The following PARD3B variants were observed in gnomAD, a reference collection of about 807,000 sequenced individuals.
The protein encoded by PARD3B is partitioning defective 3 homolog B.
In PARD3B, 103 loss-of-function variants were observed where a neutral mutation model predicts 130.2. The observed-to-expected ratio is 0.79, with a 90% CI of 0.67 to 0.93. The LOEUF (loss-of-function observed/expected upper bound fraction) is 0.93. Ranked by LOEUF, PARD3B falls within the 40% of genes least tolerant of loss-of-function variation. PARD3B has a pLI of 0.00. For missense variants in PARD3B, 1,609 were observed against 1,499.2 expected (o/e 1.07, Z -1.21); for synonymous variants, 583 against 553.2 (o/e 1.05, Z -0.76).
chr2:204,626,171 A>G (rs2034480468), intron 1 of PARD3B, among the ~76,000 whole-genome samples: 3 of 152,160 alleles, frequency 2.0e-5, no homozygotes, highest in Admixed American at 2.0e-4. Flanking sequence ...GTGAGTTTGG[A>G]TACATGTCTG....
At chr2:204,871,331 T>C (rs1033410722) in intron 2 of PARD3B, among the ~76,000 whole-genome samples, 2 of 152,140 alleles carry the variant, frequency 1.3e-5, no homozygotes, top group African/African-American at 4.8e-5. Context: ...ACAGACTCTA[T>C]TGTTTGAATA....
chr2:204,754,994 T>C (rs1418988977), intron 2 of PARD3B, among the ~76,000 whole-genome samples: 1 of 152,162 alleles, frequency 6.6e-6, no homozygotes, highest in Non-Finnish European at 1.5e-5. Flanking sequence ...TTTGCCAAAC[T>C]GTTCATATTA....
intron 2 of PARD3B, among the ~76,000 whole-genome samples, chr2:204,809,042 T>C (rs889747005): frequency 2.0e-5 from 3 of 152,184 alleles, no homozygotes. Flanking sequence ...ATGATGAGCT[T>C]TTTTTCATGT....
intron 2 of PARD3B, among the ~76,000 whole-genome samples, chr2:204,752,402 T>G (rs899088580): frequency 6.6e-6 from 1 of 152,198 alleles, no homozygotes; most frequent in Admixed American, 6.6e-5. Flanking sequence ...TGCAGCTGTT[T>G]AGCCATTGAT....
chr2:205,378,635 C>CT (rs559839181), intron 18 of PARD3B, among the ~76,000 whole-genome samples: 38,905 of 137,054 alleles, frequency 0.28, 7,587 homozygotes, highest in African/African-American at 0.56. Flanking sequence ...ATTTTTTTTT[C>CT]TTTTTTTTTT....
At chr2:205,611,759 C>T (rs2055239012) in intron 22 of PARD3B, among the ~76,000 whole-genome samples, 1 of 152,084 alleles carries the variant, frequency 6.6e-6, no homozygotes, top group Admixed American at 6.5e-5. Flanking sequence ...TTTCTCTTTC[C>T]TTAAGTAAAT....
chr2:205,340,867 GGAAC>G (rs2043499956), intron 18 of PARD3B, among the ~76,000 whole-genome samples: 1 of 151,892 alleles, frequency 6.6e-6, no homozygotes, highest in Non-Finnish European at 1.5e-5. Flanking sequence ...ACTAATATCC[GGAAC>G]ACCTAAGGAG....
chr2:204,744,823 TGAGA>T (rs2040149554), intron 2 of PARD3B, among the ~76,000 whole-genome samples: 1 of 152,074 alleles, frequency 6.6e-6, no homozygotes, highest in South Asian at 2.1e-4. Context: ...TTTCTGACGG[TGAGA>T]CTAAAGTTTA....
chr2:205,367,436 A>G (rs1421151597), intron 18 of PARD3B, among the ~76,000 whole-genome samples: 1 of 152,206 alleles, frequency 6.6e-6, no homozygotes, highest in Non-Finnish European at 1.5e-5. Context: ...GAATTTCCTG[A>G]CAGTAAGATT....
chr2:205,523,613 A>C (rs1250832066), intron 21 of PARD3B, among the ~76,000 whole-genome samples: 1 of 152,128 alleles, frequency 6.6e-6, no homozygotes, highest in Non-Finnish European at 1.5e-5. Context: ...TGACTGTGTT[A>C]TCAAAACTTT....
At chr2:204,652,553 T>C (rs1160766110) in intron 1 of PARD3B, among the ~76,000 whole-genome samples, 4 of 152,182 alleles carry the variant, frequency 2.6e-5, no homozygotes, top group African/African-American at 9.7e-5. Context: ...GTTCCAGACT[T>C]TCCCACATCT....
chr2:205,249,243 A>G (rs977230138), intron 16 of PARD3B, among the ~76,000 whole-genome samples: 1 of 151,144 alleles, frequency 6.6e-6, no homozygotes, highest in Non-Finnish European at 1.5e-5. Flanking sequence ...AACTATAGAA[A>G]TGTGAGCAGC....
intron 2 of PARD3B, among the ~76,000 whole-genome samples, chr2:204,835,854 G>C (rs2044011888): frequency 6.6e-6 from 1 of 152,208 alleles, no homozygotes; most frequent in Admixed American, 6.5e-5. Context: ...TTATGTAAGT[G>C]TTCCAAGCAT....
At chr2:205,472,649 A>G (rs1038840237) in intron 20 of PARD3B, among the ~76,000 whole-genome samples, 1 of 152,196 alleles carries the variant, frequency 6.6e-6, no homozygotes, top group Non-Finnish European at 1.5e-5. Context: ...TTTATGCTCA[A>G]TTCCCAGAAA....
chr2:205,069,637 T>C (rs1399170243), intron 4 of PARD3B, among the ~76,000 whole-genome samples: 1 of 152,070 alleles, frequency 6.6e-6, no homozygotes, highest in African/African-American at 2.4e-5. Flanking sequence ...CAAGCAGAAT[T>C]GACTGATACA....
At chr2:205,279,070 CAAAAAAAA>C (rs57717513) in intron 16 of PARD3B, among the ~76,000 whole-genome samples, 16 of 38,868 alleles carry the variant, frequency 4.1e-4, no homozygotes, top group Middle Eastern at 0.025. Context: ...GAATCTGTCT[CAAAAAAAA>C]AAAAAAAAAA....
chr2:205,450,331 A>C (rs1354825385), intron 20 of PARD3B, among the ~76,000 whole-genome samples: 1 of 152,068 alleles, frequency 6.6e-6, no homozygotes, highest in Non-Finnish European at 1.5e-5. Flanking sequence ...CCAGGGTCCC[A>C]TATTTAGTGG....
At position 204,889,356 on chromosome 2, in the gene PARD3B, GTC is replaced by G. The variant is rs199879318; in HGVS notation, c.223-75790_223-75789del. 6.8e-4 allele frequency among the ~76,000 whole-genome samples: 104 copies of G among 152,316 alleles called. 1 individual carries two copies. The East Asian group carries it at 0.019, about 29-fold the overall frequency. ...ATGCCCTGTGATAGATAAAGCAGTT[GTC>G]TCTCTACTATATATAAAAGGGATGC... On this transcript the variant is annotated intron_variant, in intron 2 of 22. Transcript: ENST00000406610.
chr2:204,670,336 T>C (rs1004157026), intron 1 of PARD3B, among the ~76,000 whole-genome samples: 4 of 152,190 alleles, frequency 2.6e-5, no homozygotes, highest in African/African-American at 4.8e-5. Flanking sequence ...ATTTGGCCCA[T>C]GGGTCACAGT....
Sources: allele counts gnomAD v4.1 joint callset (sites outside exome capture counted in the v4.1 genomes callset), GRCh38; gene constraint gnomAD v4.1.1; transcripts MANE v1.5; gene names NCBI Gene and HGNC (gene_info 2026-07-23, HGNC 2026-07-21).